Variants in CPA6 observed in about 807,000 individuals in gnomAD.
CPA6 encodes the protein carboxypeptidase B.
Under a neutral mutation model 63.3 loss-of-function variants are expected in CPA6, and 58 were observed. That is an observed-to-expected ratio of 0.92 (90% confidence interval 0.74 to 1.14). The LOEUF (loss-of-function observed/expected upper bound fraction) is 1.14, where lower values mean the gene tolerates loss of function less well. Among genes scored for constraint, CPA6 ranks in the 50% most tolerant of loss-of-function variants. CPA6 has a pLI of 0.00. For synonymous variants in CPA6, 185 were observed against 179.0 expected, an observed-to-expected ratio of 1.03 and a Z score of -0.27; for missense variants, 565 against 526.6, an observed-to-expected ratio of 1.07 and a Z score of -0.71.
chr8:67,579,713 A>G (rs1326694536), intron 2 of CPA6, among the ~76,000 whole-genome samples: 1 of 152,234 alleles, frequency 6.6e-6, no homozygotes, highest in Non-Finnish European at 1.5e-5. Flanking sequence ...CTATGGCCTC[A>G]AGCTAAGAAT....
chr8:67,567,242 C>G (rs1373692602), intron 2 of CPA6, among the ~76,000 whole-genome samples: 1 of 152,100 alleles, frequency 6.6e-6, no homozygotes, highest in Non-Finnish European at 1.5e-5. Flanking sequence ...ATGGGCCTGG[C>G]CAGGGCAGAT....
At chr8:67,509,642 A>T (rs979683316) in intron 4 of CPA6, 24 bp from the exon 5 acceptor site, 7 of 1,163,618 alleles carry the variant, frequency 6.0e-6, no homozygotes, top group African/African-American at 3.1e-5. Context: ...AATAAAAACT[A>T]TGTTAGACTC....
At chr8:67,508,591 A>T (rs1811980314) in intron 5 of CPA6, among the ~76,000 whole-genome samples, 1 of 152,168 alleles carries the variant, frequency 6.6e-6, no homozygotes, top group Non-Finnish European at 1.5e-5. Flanking sequence ...GAAAGGAGGC[A>T]GTGAGTGAGA....
chr8:67,719,555 G>A (rs1402313090), intron 1 of CPA6, among the ~76,000 whole-genome samples: 5 of 152,136 alleles, frequency 3.3e-5, no homozygotes, highest in Admixed American at 1.3e-4. Flanking sequence ...GAAGTGTTTC[G>A]GATCAGCAGA....
chr8:67,589,876 T>TTTATTA (rs754237347), intron 2 of CPA6, among the ~76,000 whole-genome samples: 83 of 150,860 alleles, frequency 5.5e-4, no homozygotes, highest in Middle Eastern at 3.5e-3. Context: ...TAGTGTTGTT[T>TTTATTA]TTATTATTAT....
At position 67,611,042 on chromosome 8, in the gene CPA6, A is replaced by G. The variant is rs148711929; in HGVS notation, c.192+13134T>C. Among the ~76,000 whole-genome samples, 84 of 151,548 alleles carry G rather than the reference A, an allele frequency of 5.5e-4. 1 individual carries two copies. The East Asian group carries it at 0.016, about 29-fold the overall frequency. On this transcript the variant is annotated intron_variant, in intron 2 of 10. Transcript: ENST00000297770. ...TTTTTTTGGTAGGTAGAAGGATTTT[A>G]TATTATCCCATAACATCTACCATGG...
intron 2 of CPA6, among the ~76,000 whole-genome samples, chr8:67,589,501 G>C (rs1186154915): frequency 6.6e-6 from 1 of 152,200 alleles, no homozygotes; most frequent in Non-Finnish European, 1.5e-5. Flanking sequence ...GATCAGGGTT[G>C]CTCTTTACTG....
At chr8:67,732,741 C>G (rs1817730328) in intron 1 of CPA6, 1 of 152,448 alleles carries the variant, frequency 6.6e-6, no homozygotes, top group Middle Eastern at 3.4e-3. Context: ...GGACAGAGAA[C>G]GAAAGCTGTA....
intron 2 of CPA6, among the ~76,000 whole-genome samples, chr8:67,522,514 C>T (rs904723671): frequency 1.3e-5 from 2 of 152,194 alleles, no homozygotes; most frequent in African/African-American, 4.8e-5. Flanking sequence ...GAGTTGCAGG[C>T]GCAGGACTGA....
intron 8 of CPA6, among the ~76,000 whole-genome samples, chr8:67,459,588 T>A (rs1245382917): frequency 6.6e-6 from 1 of 152,166 alleles, no homozygotes; most frequent in Non-Finnish European, 1.5e-5. Context: ...GTAAAAGGAT[T>A]CATGGTTGTC....
At chr8:67,637,042 G>T (rs1239622104) in intron 1 of CPA6, among the ~76,000 whole-genome samples, 1 of 151,636 alleles carries the variant, frequency 6.6e-6, no homozygotes, top group Admixed American at 6.6e-5. Flanking sequence ...GTGGCAGTTT[G>T]CTTAGGACAT....
intron 1 of CPA6, among the ~76,000 whole-genome samples, chr8:67,631,757 A>AAC (rs1815336877): frequency 1.3e-5 from 2 of 152,192 alleles, no homozygotes; most frequent in African/African-American, 4.8e-5. Context: ...TATGAGCTGT[A>AAC]ACACTCACTG....
At chr8:67,692,577 T>C (rs1041575766) in intron 1 of CPA6, among the ~76,000 whole-genome samples, 5 of 152,228 alleles carry the variant, frequency 3.3e-5, no homozygotes, top group African/African-American at 1.2e-4. Context: ...TTATCTTTCT[T>C]GCTATAATCT....
In CPA6 at chr8:67,647,954, C is replaced by A; in HGVS notation, c.117-23703G>T. 1.3e-5 allele frequency among the ~76,000 whole-genome samples: 2 copies of A among 152,100 alleles called. 1 individual carries two copies. The highest frequency in any genetic ancestry group is 3.9e-4 in the East Asian group (2 of 5,178). ...AAGTAGGGTATAGAAGCATCTGTAT[C>A]CCACTGGGATATTGGGTATCACTCT... On this transcript the variant is annotated intron_variant, in intron 1 of 10. Coordinates refer to ENST00000297770, the MANE Select transcript of CPA6 (RefSeq NM_020361.5).
intron 5 of CPA6, among the ~76,000 whole-genome samples, chr8:67,509,077 C>A (rs1436103826): frequency 6.6e-6 from 1 of 152,024 alleles, no homozygotes; most frequent in Non-Finnish European, 1.5e-5. Context: ...TTTAAACAAC[C>A]AGATCTCATG....
chr8:67,660,322 G>GTTTTTTTTTTTTTTTTT (rs869189030), intron 1 of CPA6, among the ~76,000 whole-genome samples: 2 of 73,908 alleles, frequency 2.7e-5, no homozygotes, highest in African/African-American at 1.3e-4. Context: ...ATTATTGCAG[G>GTTTTTTTTTTTTTTTTT]TTTTTTTTTT....
intron 8 of CPA6, among the ~76,000 whole-genome samples, chr8:67,453,488 A>G (rs939543281): frequency 9.2e-5 from 14 of 152,250 alleles, no homozygotes; most frequent in African/African-American, 3.4e-4. Context: ...CCCAGTGAAG[A>G]TGCTAATAGA....
chr8:67,483,795 T>A lies in CPA6; in HGVS notation c.811A>T (p.Asn271Tyr). ...SRFRCRGVDA[N>Y]RNWKVKWCDE... ...CACCACTTCACTTTCCAGTTTCTAT[T>A]GGCATCCACTCCACGGCAGCGAAAC... Residue 271 changes from asparagine (N) to tyrosine (Y), a missense_variant, in exon 8 of 11, where the codon AAT becomes TAT. Transcript: ENST00000297770. The A allele has an allele frequency of 1.9e-6, 3 of 1,614,196 alleles. No homozygotes were observed. In the South Asian group the frequency reaches 3.3e-5, roughly 18 times the overall value.
intron 1 of CPA6, among the ~76,000 whole-genome samples, chr8:67,705,007 G>A (rs1301339350): frequency 6.6e-6 from 1 of 152,156 alleles, no homozygotes; most frequent in African/African-American, 2.4e-5. Context: ...CAGGGCTAAA[G>A]AGAAGGAGAA....
Sources: allele counts gnomAD v4.1 joint callset (sites outside exome capture counted in the v4.1 genomes callset), GRCh38; gene constraint gnomAD v4.1.1; transcripts MANE v1.5; gene names NCBI Gene and HGNC (gene_info 2026-07-23, HGNC 2026-07-21).